Variants in IFIT3 observed in about 807,000 individuals in gnomAD.
IFIT3 encodes the protein interferon induced protein with tetratricopeptide repeats 3.
In IFIT3, 2 loss-of-function variants were observed where a neutral mutation model predicts 2.4. The observed-to-expected ratio is 0.82, with a 90% confidence interval of 0.34 to 2.60. IFIT3 has a LOEUF of 2.60. IFIT3 is among the 30% of genes most tolerant of loss of function. The pLI, the probability that IFIT3 is intolerant of heterozygous loss-of-function variation, is 0.11. For synonymous variants in IFIT3, 203 were observed against 212.1 expected (o/e 0.96, Z 0.37); for missense variants, 481 against 562.4 (o/e 0.86, Z 1.46).
intron 1 of IFIT3, chr10:89,338,183 G>A (rs566675685): frequency 6.4e-6 from 1 of 157,172 alleles, no homozygotes; most frequent in South Asian, 1.9e-4. Context: ...TTATTATGAG[G>A]AATTGGCTCA....
intron 1 of IFIT3, among the ~76,000 whole-genome samples, chr10:89,331,243 G>T (rs1843646668): frequency 6.6e-6 from 1 of 152,136 alleles, no homozygotes. Context: ...CCCGATCATG[G>T]CTCACTGCAG....
intron 1 of IFIT3, among the ~76,000 whole-genome samples, chr10:89,336,554 C>T (rs1843743805): frequency 6.6e-6 from 1 of 152,132 alleles, no homozygotes; most frequent in South Asian, 2.1e-4. Flanking sequence ...CAGTGCTCGT[C>T]CATGGTAAAT....
intron 1 of IFIT3, among the ~76,000 whole-genome samples, chr10:89,333,989 A>T (rs535091713): frequency 2.0e-5 from 3 of 152,344 alleles, no homozygotes; most frequent in African/African-American, 7.2e-5. Flanking sequence ...GCCTGTTCTG[A>T]CCAACCAACT....
Position 89,340,125 on chromosome 10 carries a change from C to G in IFIT3, c.1470C>G (p.Asn490Lys). The part of the protein sequence containing the change: ...RELLSNSEQL[N>K] ...TCCTCTCTAACTCAGAGCAACTGAA[C>G]TGAGACAGAGGAGGAAAACAGAGCA... Residue 490 changes from asparagine to lysine, a missense_variant, in exon 2 of 2, where the codon AAC (asparagine) becomes AAG (lysine). By Grantham distance (94) the Asn-to-Lys change is moderately conservative (BLOSUM62 0). Transcript: ENST00000371818. 1.3e-6 allele frequency: 2 copies of G among 1,585,338 alleles called. No individual in the cohort carries two copies. The highest frequency in any genetic ancestry group is 1.7e-6 in the Non-Finnish European group (2 of 1,164,706).
Position 89,338,813 on chromosome 10 carries a change from T to C in IFIT3, c.158T>C (p.Met53Thr). Residue 53 changes from methionine to threonine, a missense_variant, in exon 2 of 2, where the codon ATG (methionine) becomes ACG (threonine). Met to Thr is a moderately conservative substitution (Grantham distance 81). Transcript: ENST00000371818. Reference sequence around the variant, plus strand: ...TTAAACACTGAGTTCAAAGCTACAATGTACAACTTGTTGGCCTACATAAAA... The same window carrying C: ...TTAAACACTGAGTTCAAAGCTACAACGTACAACTTGTTGGCCTACATAAAA... ...EFLNTEFKATMYNLLAYIKHL... is the reference protein window; with the variant it reads ...EFLNTEFKATTYNLLAYIKHL... The C allele has an allele frequency of 2.5e-6, 4 of 1,614,130 alleles. No individual in the cohort carries two copies. Among genetic ancestry groups the C allele is most frequent in the East Asian group, 2.2e-5 (1 of 44,876 alleles).
Position 89,340,311 on chromosome 10 carries a change from C to A in IFIT3, c.*183C>A, listed in dbSNP as rs10887948. 148,328 of 545,044 alleles carry A rather than the reference C, an allele frequency of 0.27. 23,155 individuals are homozygous for A. The highest frequency in any genetic ancestry group is 0.57 in the East Asian group (18,817 of 32,992). The allele number at this position is 545,044 out of a possible 1,614,324, so 33.8% of individuals were successfully genotyped here. A position where few individuals can be genotyped will look rare whatever the true frequency, so the allele number is the denominator to read the frequency against. ...CAGTGGCTCATGCCTGTAATCCCAGCACTTTGGGAGGCCGAGGTGGGCGGA... is the reference window on the plus strand; with the variant it reads ...CAGTGGCTCATGCCTGTAATCCCAGAACTTTGGGAGGCCGAGGTGGGCGGA... On this transcript the variant is annotated 3_prime_UTR_variant, in exon 2 of 2. Transcript: ENST00000371818.
intron 1 of IFIT3, among the ~76,000 whole-genome samples, chr10:89,335,082 C>T (rs1221200476): frequency 6.6e-6 from 1 of 152,094 alleles, no homozygotes; most frequent in Non-Finnish European, 1.5e-5. Context: ...ATATATTTTG[C>T]TCCAAATTTT....
At position 89,339,333 on chromosome 10, in the gene IFIT3, A is replaced by C; in HGVS notation, c.678A>C (p.Gly226=). 1 of 1,613,790 alleles carries C rather than the reference A, an allele frequency of 6.2e-7. No homozygotes were observed. The highest frequency in any genetic ancestry group is 8.5e-7 in the Non-Finnish European group (1 of 1,179,866). The change falls in exon 2 of 2, where the codon GGA becomes GGC. Residue 226 remains glycine (G), a synonymous_variant. Coordinates refer to ENST00000371818, the MANE Select transcript of IFIT3 (RefSeq NM_001549.6). ...KLQKMNKEAE[G]EQFVEEALEK... ...AGAAGATGAATAAAGAAGCTGAAGG[A>C]GAGCAGTTTGTTGAAGAAGCCTTGG...
chr10:89,331,585 C>T (rs879523436), intron 1 of IFIT3, among the ~76,000 whole-genome samples: 2 of 152,070 alleles, frequency 1.3e-5, no homozygotes, highest in Non-Finnish European at 2.9e-5. Context: ...CATGGCTGGC[C>T]GCAGTGGCTC....
At chr10:89,329,256 G>A (rs934469498) in intron 1 of IFIT3, among the ~76,000 whole-genome samples, 4 of 152,164 alleles carry the variant, frequency 2.6e-5, no homozygotes, top group Non-Finnish European at 4.4e-5. Flanking sequence ...TTGGGGATGA[G>A]ATGGGTAAGA....
chr10:89,335,577 A>G (rs1843723960), intron 1 of IFIT3: 1 of 151,456 alleles, frequency 6.6e-6, no homozygotes, highest in Non-Finnish European at 1.5e-5. Flanking sequence ...AGATAGTGTC[A>G]TCAGACTTGC....
rs1009212826 is a variant in IFIT3 at position 89,339,948 on chromosome 10, G to A, written c.1293G>A (p.Leu431=). ...QGLIHKQNGD[L]LQAAKCYEKE... The stretch of plus-strand genomic sequence containing the variant: ...TAATTCATAAGCAGAATGGAGATCT[G>A]CTGCAAGCAGCCAAATGTTATGAGA... The change falls in exon 2 of 2, where the codon CTG becomes CTA. Residue 431 remains leucine, a synonymous_variant. Coordinates refer to ENST00000371818, the MANE Select transcript of IFIT3 (RefSeq NM_001549.6). The A allele has an allele frequency of 6.2e-7, 1 of 1,614,182 alleles. No individual in the cohort carries two copies. The highest frequency in any genetic ancestry group is 1.7e-5 in the Admixed American group (1 of 60,028).
intron 1 of IFIT3, among the ~76,000 whole-genome samples, chr10:89,329,020 T>C (rs1434793087): frequency 6.6e-6 from 1 of 152,188 alleles, no homozygotes; most frequent in Non-Finnish European, 1.5e-5. Context: ...GTAAACTTGA[T>C]TTTTAAATTT....
chr10:89,338,998 A>T lies in IFIT3; in HGVS notation c.343A>T (p.Ile115Phe). The T allele has an allele frequency of 1.2e-6, 2 of 1,614,222 alleles. No individual in the cohort carries two copies. The highest frequency in any genetic ancestry group is 4.5e-5 in the East Asian group (2 of 44,874). Residue 115 changes from isoleucine (I) to phenylalanine (F), a missense_variant, in exon 2 of 2, where the codon ATT becomes TTT. Coordinates refer to ENST00000371818, the MANE Select transcript of IFIT3 (RefSeq NM_001549.6). The stretch of plus-strand genomic sequence containing the variant: ...CTTGGGCAGACTCTCAGATGCTCAG[A>T]TTTATGTAGATAAGGTGAAACAAAC... ...YHLGRLSDAQ[I>F]YVDKVKQTCK... is the part of the protein sequence containing the mutation.
intron 1 of IFIT3, among the ~76,000 whole-genome samples, chr10:89,331,470 G>A (rs1301998492): frequency 1.3e-5 from 2 of 152,156 alleles, no homozygotes; most frequent in Non-Finnish European, 2.9e-5. Context: ...TCCGTGCCTG[G>A]CCAACATTTT....
Position 89,338,909 on chromosome 10 carries a change from A to T in IFIT3, c.254A>T (p.His85Leu). Residue 85 changes from histidine (H) to leucine (L), a missense_variant, in exon 2 of 2, where the codon CAT (histidine) becomes CTT (leucine). Physicochemically the swap from His to Leu is moderately conservative, Grantham distance 99. Coordinates refer to ENST00000371818, the MANE Select transcript of IFIT3 (RefSeq NM_001549.6). ...GCTGAAGAGTTAATCCAGCAAGAAC[A>T]TGCTGACCAAGCAGAAATCAGAAGT... ...RQAEELIQQE[H>L]ADQAEIRSLV... The T allele has an allele frequency of 6.2e-7, 1 of 1,614,192 alleles. No individual in the cohort carries two copies. Among genetic ancestry groups the T allele is most frequent in the Non-Finnish European group, 8.5e-7 (1 of 1,180,020 alleles).
In IFIT3 at chr10:89,338,798, A is replaced by T. The variant is rs1269751833; in HGVS notation, c.143A>T (p.Glu48Val). 4 of 1,614,126 alleles carry T rather than the reference A, an allele frequency of 2.5e-6. No homozygotes were observed. Among genetic ancestry groups the T allele is most frequent in the Non-Finnish European group, 3.4e-6 (4 of 1,179,992 alleles). Residue 48 changes from glutamate (E) to valine (V), a missense_variant, in exon 2 of 2, where the codon GAG (glutamate) becomes GTG (valine). Glu to Val is a moderately radical substitution (Grantham distance 121, BLOSUM62 -2). Transcript: ENST00000371818. ...AACCAGATTGAATTTTTAAACACTG[A>T]GTTCAAAGCTACAATGTACAACTTG... ...VCNQIEFLNTEFKATMYNLLA... is the reference protein window; with the variant it reads ...VCNQIEFLNTVFKATMYNLLA...
intron 1 of IFIT3, among the ~76,000 whole-genome samples, chr10:89,334,781 G>A (rs11203072): frequency 0.24 from 36,225 of 151,630 alleles, 4,544 homozygotes; most frequent in African/African-American, 0.29. Flanking sequence ...GTGAGCCACC[G>A]CGCCCGGCCA....
intron 1 of IFIT3, among the ~76,000 whole-genome samples, chr10:89,329,775 A>G (rs897400347): frequency 6.6e-6 from 1 of 152,162 alleles, no homozygotes; most frequent in Non-Finnish European, 1.5e-5. Flanking sequence ...GGTTTCATGC[A>G]AGTCCGTGTG....
Sources: gnomAD v4.1 joint callset for allele counts (sites outside exome capture counted in the v4.1 genomes callset) on GRCh38, gnomAD v4.1.1 for gene constraint, MANE v1.5 for transcripts, NCBI Gene and HGNC (gene_info 2026-07-23, HGNC 2026-07-21) for gene names.